The following BCAS3 variants were observed in gnomAD, a reference collection of about 807,000 sequenced individuals.
BCAS3 encodes BCAS3 microtubule associated cell migration factor.
Under a neutral mutation model 116.1 loss-of-function variants are expected in BCAS3, and 53 were observed. That is an observed-to-expected ratio of 0.46 (90% CI 0.37 to 0.57). The LOEUF (loss-of-function observed/expected upper bound fraction) is 0.57, where lower values mean the gene tolerates loss of function less well. BCAS3 is among the 20% of genes least tolerant of loss of function. BCAS3 has a pLI of 0.00. For synonymous variants in BCAS3, 391 were observed against 408.2 expected, an observed-to-expected ratio of 0.96 and a Z score of 0.51; for missense variants, 917 against 1,165.4, an observed-to-expected ratio of 0.79 and a Z score of 3.10.
At chr17:61,172,949 C>G (rs1238950246) in intron 22 of BCAS3, among the ~76,000 whole-genome samples, 1 of 151,726 alleles carries the variant, frequency 6.6e-6, no homozygotes, top group Non-Finnish European at 1.5e-5. Flanking sequence ...GATGACGCCA[C>G]TGCACTCCAG....
intron 7 of BCAS3, among the ~76,000 whole-genome samples, chr17:60,860,118 G>T (rs1200715958): frequency 6.6e-6 from 1 of 152,186 alleles, no homozygotes; most frequent in Non-Finnish European, 1.5e-5. Flanking sequence ...CCCACCAGCA[G>T]TGTATAAGCA....
At chr17:61,127,873 G>A (rs766452278) in intron 22 of BCAS3, among the ~76,000 whole-genome samples, 2 of 151,486 alleles carry the variant, frequency 1.3e-5, no homozygotes, top group East Asian at 3.9e-4. Flanking sequence ...ATATACACAC[G>A]AATGCATACA....
At chr17:60,878,609 A>G (rs931634797) in intron 9 of BCAS3, among the ~76,000 whole-genome samples, 1 of 152,350 alleles carries the variant, frequency 6.6e-6, no homozygotes, top group Non-Finnish European at 1.5e-5. Context: ...AGTTTGATGT[A>G]GCATTTCACC....
chr17:60,980,835 CTTTA>C (rs1224212476), intron 14 of BCAS3, among the ~76,000 whole-genome samples: 7 of 151,856 alleles, frequency 4.6e-5, no homozygotes, highest in African/African-American at 1.7e-4. Context: ...TGTACCTGAC[CTTTA>C]TTTATTTATT....
chr17:60,866,705 G>A lies in BCAS3; in HGVS notation c.477-1871G>A, dbSNP rs2144878848. Among the ~76,000 whole-genome samples the A allele has an allele frequency of 2.0e-5, 3 of 150,590 alleles. 1 individual carries two copies. Among genetic ancestry groups the A allele is most frequent in the Middle Eastern group, 6.9e-3 (2 of 290 alleles). ...TCAAATTATCTTTATGTGTAGATTGGTTTTGGCACTCTGTACATTTTAAGG... is the reference window on the plus strand; with the variant it reads ...TCAAATTATCTTTATGTGTAGATTGATTTTGGCACTCTGTACATTTTAAGG... On this transcript the variant is annotated intron_variant, in intron 7 of 23. Transcript: ENST00000407086.
intron 22 of BCAS3, among the ~76,000 whole-genome samples, chr17:61,150,257 C>T (rs1039536526): frequency 3.3e-5 from 5 of 152,170 alleles, no homozygotes; most frequent in Admixed American, 6.5e-5. Flanking sequence ...ATTACTGGAG[C>T]TCTCATTCCC....
chr17:60,908,671 G>A (rs1405653234), intron 11 of BCAS3, among the ~76,000 whole-genome samples: 1 of 152,184 alleles, frequency 6.6e-6, no homozygotes, highest in Non-Finnish European at 1.5e-5. Context: ...GCTAATTGAG[G>A]AACGTTGATG....
intron 6 of BCAS3, among the ~76,000 whole-genome samples, chr17:60,771,799 A>T (rs1470606208): frequency 6.9e-6 from 1 of 145,418 alleles, no homozygotes; most frequent in Non-Finnish European, 1.5e-5. Flanking sequence ...GAGAACATGC[A>T]GTGTTTGGTT....
intron 22 of BCAS3, among the ~76,000 whole-genome samples, chr17:61,085,670 TC>T (rs2073030430): frequency 6.6e-6 from 1 of 152,220 alleles, no homozygotes; most frequent in African/African-American, 2.4e-5. Flanking sequence ...TCATACTTGT[TC>T]CTACTGCTTT....
At chr17:61,284,548 C>T (rs2051557001) in intron 22 of BCAS3, among the ~76,000 whole-genome samples, 1 of 152,218 alleles carries the variant, frequency 6.6e-6, no homozygotes, top group Admixed American at 6.5e-5. Context: ...CCCAAGAACC[C>T]ACCGGAAGGA....
At chr17:61,294,787 T>G (rs533200251) in intron 22 of BCAS3, among the ~76,000 whole-genome samples, 3 of 152,362 alleles carry the variant, frequency 2.0e-5, no homozygotes, top group Admixed American at 6.5e-5. Context: ...CTGTATTTGA[T>G]GCAGCTGGTC....
chr17:61,115,791 C>T (rs1424750099), intron 22 of BCAS3, among the ~76,000 whole-genome samples: 1 of 149,764 alleles, frequency 6.7e-6, no homozygotes, highest in South Asian at 2.1e-4. Context: ...CACATGCACA[C>T]GTATGTTTAT....
intron 22 of BCAS3, among the ~76,000 whole-genome samples, chr17:61,099,337 G>T (rs755713751): frequency 6.0e-4 from 91 of 152,236 alleles, no homozygotes; most frequent in Admixed American, 5.2e-4. Context: ...AGTCAGTGAT[G>T]ATTAATAATG....
chr17:60,885,873 T>G (rs1053790027), intron 9 of BCAS3, among the ~76,000 whole-genome samples: 49 of 147,248 alleles, frequency 3.3e-4, no homozygotes, highest in Non-Finnish European at 5.3e-4. Flanking sequence ...TGGCTGCCCT[T>G]AACATTTTTT....
chr17:60,983,833 C>A (rs1282731188), intron 14 of BCAS3, among the ~76,000 whole-genome samples: 1 of 152,146 alleles, frequency 6.6e-6, no homozygotes, highest in Non-Finnish European at 1.5e-5. Flanking sequence ...TGTGAAAATG[C>A]ATTTCATATT....
intron 14 of BCAS3, among the ~76,000 whole-genome samples, chr17:60,970,367 A>G (rs1228616386): frequency 6.6e-6 from 1 of 152,176 alleles, no homozygotes; most frequent in Non-Finnish European, 1.5e-5. Context: ...GAAAACAGAT[A>G]TTAAATGGTA....
chr17:61,288,305 G>A (rs1374724114), intron 22 of BCAS3, among the ~76,000 whole-genome samples: 5 of 152,192 alleles, frequency 3.3e-5, no homozygotes, highest in Non-Finnish European at 7.3e-5. Context: ...AGTATGTAGT[G>A]TTGATCTTTG....
At chr17:61,178,695 C>CTT (rs2079292766) in intron 22 of BCAS3, among the ~76,000 whole-genome samples, 1 of 152,060 alleles carries the variant, frequency 6.6e-6, no homozygotes, top group Non-Finnish European at 1.5e-5. Context: ...ATTGACATAA[C>CTT]TTTTAAGTTG....
intron 7 of BCAS3, among the ~76,000 whole-genome samples, chr17:60,853,711 C>T (rs2053391362): frequency 6.6e-6 from 1 of 151,576 alleles, no homozygotes; most frequent in South Asian, 2.1e-4. Flanking sequence ...TGGATGAATG[C>T]ATATTTAACA....
Sources: allele counts gnomAD v4.1 joint callset (sites outside exome capture counted in the v4.1 genomes callset), GRCh38; gene constraint gnomAD v4.1.1; transcripts MANE v1.5; gene names NCBI Gene and HGNC (gene_info 2026-07-23, HGNC 2026-07-21).